Variants in IFT22 observed in about 807,000 individuals in gnomAD.
IFT22 encodes the protein intraflagellar transport 22.
A neutral mutation model predicts 21.0 loss-of-function variants in IFT22; 13 were observed. The ratio of observed to expected loss-of-function variants is 0.62; its 90% CI spans 0.40 to 0.98. The LOEUF (loss-of-function observed/expected upper bound fraction) is 0.98, where lower values mean the gene tolerates loss of function less well. IFT22 is among the 50% of genes least tolerant of loss of function. IFT22 has a pLI of 0.00. For missense variants in IFT22, 227 were observed against 228.9 expected (o/e 0.99, Z 0.06); for synonymous variants, 67 against 82.4 (o/e 0.81, Z 1.01).
At chr7:101,316,194 G>A in intron 4 of IFT22, 146 bp downstream of exon 4, 1 of 724,562 alleles carries the variant, frequency 1.4e-6, no homozygotes, top group East Asian at 2.5e-5. Flanking sequence ...AGACGTAGTG[G>A]ACTCACATGG....
rs773774277 is a variant in IFT22 at position 101,315,183 on chromosome 7, T to G, written c.509A>C (p.Asn170Thr). The G allele has an allele frequency of 6.2e-7, 1 of 1,613,678 alleles. No individual in the cohort carries two copies. Among genetic ancestry groups the G allele is most frequent in the Non-Finnish European group, 8.5e-7 (1 of 1,179,926 alleles). Residue 170 changes from asparagine (N) to threonine (T), a missense_variant, in exon 5 of 5, where the codon AAC (asparagine) becomes ACC (threonine). Transcript: ENST00000315322. ...CCTGTCTCTGCTCTCAGACATGGAG[T>G]TGATTATGCTTTTTAAATACTTTAT... is the stretch of plus-strand genomic sequence containing the variant. ...EFIKYLKSIINSMSESRDREE... is the reference protein window; with the variant it reads ...EFIKYLKSIITSMSESRDREE...
chr7:101,316,102 A>G (rs1439480163), intron 4 of IFT22: 14 of 479,428 alleles, frequency 2.9e-5, no homozygotes, highest in Admixed American at 2.7e-4. Flanking sequence ...GGGCTCAAGC[A>G]ATTCTCCTGC....
In IFT22 at chr7:101,314,977, G is replaced by T. The variant is rs922074040; in HGVS notation, c.*157C>A. ...TCAGGGCAGAGCACAGATGGTCTGA[G>T]TGAACGCCCTGTGTGACAGGTGCCT... On this transcript the variant is annotated 3_prime_UTR_variant, in exon 5 of 5. Coordinates refer to ENST00000315322, the MANE Select transcript of IFT22 (RefSeq NM_022777.4). The T allele has an allele frequency of 2.9e-5, 21 of 727,610 alleles. No individual in the cohort carries two copies. Among genetic ancestry groups the T allele is most frequent in the Non-Finnish European group, 4.4e-5 (20 of 452,508 alleles). The allele number at this position is 727,610 out of a possible 1,614,324, so 45.1% of individuals were successfully genotyped here.
At chr7:101,315,384 A>T in intron 4 of IFT22, 102 bp from the exon 5 acceptor site, 4 of 1,287,196 alleles carry the variant, frequency 3.1e-6, no homozygotes, top group South Asian at 2.6e-5. Flanking sequence ...TCTGAAGTTC[A>T]CAGATCAAGT....
In IFT22 at chr7:101,318,743, CCTT is replaced by C. The variant is rs374738491; in HGVS notation, c.116+210_116+212del. ...CCTCCAACTCCTGGCCTCAAACAAT[CCTT>C]CTGCTTCAACCTAACATGTAGCTGA... On this transcript the variant is annotated intron_variant, in intron 2 of 4. Coordinates refer to ENST00000315322, the MANE Select transcript of IFT22 (RefSeq NM_022777.4). The C allele has an allele frequency of 7.6e-4, 379 of 501,390 alleles. 4 individuals carry two copies. The highest frequency in any genetic ancestry group is 6.5e-3 in the African/African-American group (340 of 51,970). The allele number at this position is 501,390 out of a possible 1,614,324, so 31.1% of individuals were successfully genotyped here.
intron 3 of IFT22, 108 bp downstream of exon 3, chr7:101,318,016 C>A (rs1790212787): frequency 3.4e-6 from 3 of 885,428 alleles, no homozygotes; most frequent in Non-Finnish European, 5.5e-6. Flanking sequence ...GAGCCACCCA[C>A]CTTGGCCTCC....
intron 2 of IFT22, 21 bp from the exon 3 acceptor site, chr7:101,318,234 A>C (rs1436479470): frequency 1.9e-6 from 3 of 1,588,634 alleles, no homozygotes; most frequent in Non-Finnish European, 2.6e-6. Context: ...AAAGAAGAGC[A>C]GTAGGCTGGG....
intron 2 of IFT22, chr7:101,318,597 AG>A (rs1790235713): frequency 3.7e-6 from 1 of 273,680 alleles, no homozygotes; most frequent in South Asian, 5.5e-5. Context: ...CAACAAAAGT[AG>A]GAAGTGGGTG....
chr7:101,313,642 ATT>A lies in IFT22; in HGVS notation c.*1490_*1491del, dbSNP rs1562929822. On this transcript the variant is annotated 3_prime_UTR_variant, in exon 5 of 5. Coordinates refer to ENST00000315322, the MANE Select transcript of IFT22 (RefSeq NM_022777.4). The stretch of plus-strand genomic sequence containing the variant: ...CACCACGCCCAGCCAGGCACTTCAA[ATT>A]TTTTGTCTCTGTGTGTCTGCGAATA... The A allele has an allele frequency of 6.6e-6, 1 of 151,690 alleles. No homozygotes were observed. The highest frequency in any genetic ancestry group is 1.5e-5 in the Non-Finnish European group (1 of 67,914). 9.4% of individuals were successfully genotyped at this position (151,690 alleles called of 1,614,324 possible).
At chr7:101,316,079 A>G (rs908399851) in intron 4 of IFT22, 5 of 426,526 alleles carry the variant, frequency 1.2e-5, no homozygotes, top group Admixed American at 7.0e-5. Context: ...ACTCACTGCA[A>G]TCTCCGCCTC....
rs373822049 is a variant in IFT22, at chr7:101,315,108, A to T, written c.*26T>A. 15 of 1,606,032 alleles carry T rather than the reference A, an allele frequency of 9.3e-6. No individual in the cohort carries two copies. The highest frequency in any genetic ancestry group is 1.3e-5 in the Non-Finnish European group (15 of 1,175,184). On this transcript the variant is annotated 3_prime_UTR_variant, in exon 5 of 5. Coordinates refer to ENST00000315322, the MANE Select transcript of IFT22 (RefSeq NM_022777.4). ...GAGAAACATGCTGATTTCACTGGGG[A>T]TGTGGCAGTCCCAGGTGAAGGCTGG...
chr7:101,316,609 A>T, intron 3 of IFT22, 67 bp from the exon 4 acceptor site: 5 of 1,521,020 alleles, frequency 3.3e-6, no homozygotes, highest in Non-Finnish European at 4.5e-6. Flanking sequence ...GGACTTTAAA[A>T]AGAATATCTT....
intron 3 of IFT22, among the ~76,000 whole-genome samples, chr7:101,317,876 T>G (rs1790208424): frequency 6.6e-6 from 1 of 152,110 alleles, no homozygotes; most frequent in Non-Finnish European, 1.5e-5. Flanking sequence ...GTTCAAGCAG[T>G]TCTCCTGCCT....
chr7:101,316,624 T>C (rs1004210366), intron 3 of IFT22, 82 bp from the exon 4 acceptor site: 1 of 1,456,758 alleles, frequency 6.9e-7, no homozygotes, highest in African/African-American at 1.4e-5. Context: ...TATCTTAGTA[T>C]TAAAAGTTGG....
chr7:101,318,322 C>T (rs1211468530), intron 2 of IFT22, 109 bp from the exon 3 acceptor site: 3 of 681,408 alleles, frequency 4.4e-6, no homozygotes, highest in Non-Finnish European at 7.9e-6. Flanking sequence ...GAGTTCGAGA[C>T]CAGCCTGGCC....
intron 1 of IFT22, 184 bp downstream of exon 1, chr7:101,321,487 T>C (rs1036212455): frequency 3.3e-6 from 2 of 600,750 alleles, no homozygotes; most frequent in African/African-American, 2.0e-5. Flanking sequence ...CGGGCAGTGG[T>C]TGGAATCAAG....
At chr7:101,318,060 C>T (rs1042979250) in intron 3 of IFT22, 64 bp downstream of exon 3, 135 of 1,437,014 alleles carry the variant, frequency 9.4e-5, no homozygotes, top group Non-Finnish European at 1.3e-4. Context: ...GAGCCACCGC[C>T]CCTGGCTTGG....
At chr7:101,318,384 A>G in intron 2 of IFT22, 171 bp from the exon 3 acceptor site, 1 of 477,514 alleles carries the variant, frequency 2.1e-6, no homozygotes, top group South Asian at 1.9e-5. Flanking sequence ...GCTGGGCATG[A>G]TGGTGTGCAC....
At chr7:101,319,427 T>C (rs1790263915) in intron 1 of IFT22, among the ~76,000 whole-genome samples, 1 of 151,918 alleles carries the variant, frequency 6.6e-6, no homozygotes, top group African/African-American at 2.4e-5. Context: ...TTCACCATGT[T>C]ACTCGGGCTG....
Sources: gnomAD v4.1 joint callset for allele counts (sites outside exome capture counted in the v4.1 genomes callset) on GRCh38, gnomAD v4.1.1 for gene constraint, MANE v1.5 for transcripts, NCBI Gene and HGNC (gene_info 2026-07-23, HGNC 2026-07-21) for gene names.